OXR1: variants seen among roughly 807,000 people sequenced by gnomAD.
OXR1 encodes oxidation resistance 1, also known as oxidation resistance protein 1.
A neutral mutation model predicts 104.6 loss-of-function variants in OXR1; 41 were observed. The ratio of observed to expected loss-of-function variants is 0.39; its 90% CI spans 0.31 to 0.51. OXR1 has a LOEUF of 0.51. OXR1 is among the 20% of genes least tolerant of loss of function. The probability of loss-of-function intolerance (pLI) is 0.77; values close to 1 mark genes in which losing one functional copy is unlikely to be tolerated. For missense variants in OXR1, 955 were observed against 1,031.9 expected (o/e 0.93, Z 1.02); for synonymous variants, 348 against 348.4 (o/e 1.00, Z 0.01).
chr8:106,552,130 G>A (rs1815888812), intron 3 of OXR1, among the ~76,000 whole-genome samples: 1 of 151,922 alleles, frequency 6.6e-6, no homozygotes, highest in African/African-American at 2.4e-5. Flanking sequence ...ATCAGCTAGG[G>A]TGATCATTCA....
intron 3 of OXR1, among the ~76,000 whole-genome samples, chr8:106,616,346 C>CCACCGCG (rs1386578539): frequency 4.0e-5 from 6 of 150,114 alleles, no homozygotes; most frequent in African/African-American, 1.2e-4. Flanking sequence ...CAGGTGTGAG[C>CCACCGCG]CACCGCGCCC....
chr8:106,404,559 C>A (rs1818137677), intron 2 of OXR1, among the ~76,000 whole-genome samples: 1 of 151,904 alleles, frequency 6.6e-6, no homozygotes, highest in Admixed American at 6.6e-5. Flanking sequence ...ATTTCTACCA[C>A]ATAAAAACTG....
chr8:106,285,468 TG>T (rs1812456645), intron 1 of OXR1, among the ~76,000 whole-genome samples: 3 of 152,140 alleles, frequency 2.0e-5, no homozygotes, highest in African/African-American at 7.2e-5. Flanking sequence ...TTTGGAGTAT[TG>T]GACAGTAACA....
intron 2 of OXR1, among the ~76,000 whole-genome samples, chr8:106,490,030 C>T (rs1810971854): frequency 1.3e-5 from 2 of 152,254 alleles, no homozygotes; most frequent in South Asian, 4.1e-4. Flanking sequence ...ACCATAGCCC[C>T]ATTTTCATTA....
At chr8:106,581,278 A>G (rs1563620607) in intron 3 of OXR1, 4 of 1,262,360 alleles carry the variant, frequency 3.2e-6, no homozygotes, top group Non-Finnish European at 3.1e-6. Flanking sequence ...ATGCCTTTCT[A>G]TTTTTTTTTA....
At chr8:106,618,896 T>A (rs1821461221) in intron 3 of OXR1, among the ~76,000 whole-genome samples, 1 of 151,948 alleles carries the variant, frequency 6.6e-6, no homozygotes, top group Non-Finnish European at 1.5e-5. Flanking sequence ...TTTTTTTTGG[T>A]TGAAGTTTTG....
chr8:106,555,382 A>G (rs1816188535), intron 3 of OXR1, among the ~76,000 whole-genome samples: 1 of 152,166 alleles, frequency 6.6e-6, no homozygotes, highest in South Asian at 2.1e-4. Context: ...CAGGGAGGAT[A>G]GTATTTTAAC....
intron 8 of OXR1, among the ~76,000 whole-genome samples, chr8:106,704,821 G>C (rs1830986214): frequency 6.6e-6 from 1 of 152,046 alleles, no homozygotes; most frequent in South Asian, 2.1e-4. Context: ...TTCATTGTCA[G>C]CTGGAAAGTG....
chr8:106,497,523 T>C (rs191132788), intron 2 of OXR1, among the ~76,000 whole-genome samples: 32 of 152,286 alleles, frequency 2.1e-4, no homozygotes, highest in Admixed American at 1.7e-3. Flanking sequence ...ATAGTAAAAA[T>C]TGAAATAATA....
At chr8:106,359,935 G>A (rs150360228) in intron 2 of OXR1, among the ~76,000 whole-genome samples, 1 of 152,198 alleles carries the variant, frequency 6.6e-6, no homozygotes, top group East Asian at 1.9e-4. Context: ...TATCCTTTCA[G>A]TATTCCTTGC....
At chr8:106,529,242 T>G (rs1813914010) in intron 3 of OXR1, among the ~76,000 whole-genome samples, 1 of 152,208 alleles carries the variant, frequency 6.6e-6, no homozygotes, top group South Asian at 2.1e-4. Context: ...GGATTCAATA[T>G]ATGTTTCTGA....
At chr8:106,691,413 T>A (rs748600122) in intron 6 of OXR1, among the ~76,000 whole-genome samples, 30 of 152,080 alleles carry the variant, frequency 2.0e-4, no homozygotes, top group Non-Finnish European at 4.0e-4. Context: ...TGAACAACTT[T>A]GATCTTTTTT....
At chr8:106,599,800 G>A (rs1563633879) in intron 3 of OXR1, among the ~76,000 whole-genome samples, 1 of 152,132 alleles carries the variant, frequency 6.6e-6, no homozygotes, top group Non-Finnish European at 1.5e-5. Flanking sequence ...TCGGTATCAG[G>A]GACCAGAGAG....
At position 106,407,071 on chromosome 8, in the gene OXR1, A is replaced by C. The variant is rs370985149; in HGVS notation, c.23+47435A>C. ...TACCCTAAAAATTCTCTAAAATATA[A>C]AGACTATTACTAAAAGTATCTGGAC... On this transcript the variant is annotated intron_variant, in intron 2 of 16. Coordinates refer to ENST00000517566, the MANE Select transcript of OXR1 (RefSeq NM_001198533.2). 2.6e-5 allele frequency among the ~76,000 whole-genome samples: 4 copies of C among 152,148 alleles called. No homozygotes were observed. The East Asian group carries it at 7.7e-4, about 29-fold the overall frequency.
chr8:106,710,828 G>A (rs1831612784), intron 10 of OXR1, 38 bp downstream of exon 10: 1 of 1,274,854 alleles, frequency 7.8e-7, no homozygotes, highest in African/African-American at 1.5e-5. Flanking sequence ...GCATTATTGA[G>A]ATTCTTTGAA....
At chr8:106,658,768 T>C (rs1825441379) in intron 3 of OXR1, among the ~76,000 whole-genome samples, 1 of 151,918 alleles carries the variant, frequency 6.6e-6, no homozygotes, top group Non-Finnish European at 1.5e-5. Flanking sequence ...CTAGAAACTT[T>C]CTCAGTTCCT....
intron 2 of OXR1, among the ~76,000 whole-genome samples, chr8:106,402,104 A>G (rs1467854839): frequency 6.6e-6 from 1 of 152,190 alleles, no homozygotes; most frequent in Non-Finnish European, 1.5e-5. Flanking sequence ...TCCTCAAGCA[A>G]CAAAATCACA....
chr8:106,657,821 G>A (rs1825268719), intron 3 of OXR1: 4 of 1,234,074 alleles, frequency 3.2e-6, no homozygotes, highest in African/African-American at 1.6e-5. Context: ...GTCCGTCCCC[G>A]GGCAGAGAGA....
At chr8:106,730,889 AAAAGAAAG>A (rs1421665364) in intron 11 of OXR1, among the ~76,000 whole-genome samples, 1 of 152,050 alleles carries the variant, frequency 6.6e-6, no homozygotes, top group South Asian at 2.1e-4. Context: ...TTTAAAAAAA[AAAAGAAAG>A]AAAGAAAAAA....
Sources: allele counts gnomAD v4.1 joint callset (sites outside exome capture counted in the v4.1 genomes callset), GRCh38; gene constraint gnomAD v4.1.1; transcripts MANE v1.5; gene names NCBI Gene and HGNC (gene_info 2026-07-23, HGNC 2026-07-21).